DCAF1: variants seen among roughly 807,000 people sequenced by gnomAD.
DCAF1 encodes DDB1 and CUL4 associated factor 1, also known as DDB1- and CUL4-associated factor 1.
DCAF1 carries 15 observed loss-of-function variants against 128.0 expected under a neutral mutation model. The ratio of observed to expected loss-of-function variants is 0.12; its 90% confidence interval spans 0.08 to 0.18. DCAF1 has a LOEUF of 0.18. DCAF1 is among the 10% of genes least tolerant of loss of function. The pLI is 1.00. For synonymous variants in DCAF1, 610 were observed against 603.0 expected (o/e 1.01, Z -0.17); for missense variants, 988 against 1,649.5 (o/e 0.60, Z 6.95).
At chr3:51,503,225 G>A (rs1708861147), upstream of DCAF1, among the ~76,000 whole-genome samples, 1 of 152,110 alleles carries the variant, frequency 6.6e-6, no homozygotes, top group African/African-American at 2.4e-5. Context: ...CTGCCCAGCA[G>A]CAGAGAAAAG....
rs997541702 is a variant in DCAF1, at chr3:51,433,748, C to A, written c.1129-484G>T. 5.4e-5 allele frequency among the ~76,000 whole-genome samples: 8 copies of A among 148,118 alleles called. No homozygotes were observed. The East Asian group carries it at 1.5e-3, about 29-fold the overall frequency. On this transcript the variant is annotated intron_variant, in intron 9 of 24. Coordinates refer to ENST00000684031, the MANE Select transcript of DCAF1 (RefSeq NM_001387579.1). The stretch of plus-strand genomic sequence containing the variant: ...AAAGTGCTGGGATTACAGGCGTGAG[C>A]CACCATGCCCAGCCTGATTTTTTTA...
intron 3 of DCAF1, among the ~76,000 whole-genome samples, chr3:51,474,190 G>A (rs1553649577): frequency 2.6e-5 from 4 of 151,994 alleles, no homozygotes; most frequent in South Asian, 2.1e-4. Context: ...AGGCTGAGGC[G>A]GGCGGATCAC....
At chr3:51,500,808 CTG>C (rs1401028599), upstream of DCAF1, among the ~76,000 whole-genome samples, 7 of 146,592 alleles carry the variant, frequency 4.8e-5, no homozygotes, top group Admixed American at 4.9e-4. Context: ...TCTTTTTTCT[CTG>C]TCTTTTTTTT....
chr3:51,427,500 T>G lies in DCAF1; in HGVS notation c.1719A>C (p.Glu573Asp). 1 of 773,324 alleles carries G rather than the reference T, an allele frequency of 1.3e-6. No individual in the cohort carries two copies. Among genetic ancestry groups the G allele is most frequent in the South Asian group, 1.4e-5 (1 of 73,382 alleles). The allele number at this position is 773,324 out of a possible 1,614,324, so 47.9% of individuals were successfully genotyped here. ...GCGCTGGGCCATATTCTATCAAAAA[T>G]TCCATCATTTCCACAATCTGTTCAT... Reference protein sequence around the residue: ...YTHEQIVEMMEFLIEYGPAQL... With the variant: ...YTHEQIVEMMDFLIEYGPAQL... Residue 573 changes from glutamate (E) to aspartate (D), a missense_variant, in exon 13 of 25, where the codon GAA becomes GAC. Coordinates refer to ENST00000684031, the MANE Select transcript of DCAF1 (RefSeq NM_001387579.1).
chr3:51,487,061 G>A (rs777286947), intron 2 of DCAF1, among the ~76,000 whole-genome samples: 20 of 151,520 alleles, frequency 1.3e-4, no homozygotes, highest in East Asian at 3.9e-4. Context: ...TCCACATCCC[G>A]GATTCAAGCG....
At chr3:51,425,559 C>CTTTTTT (rs782117372) in intron 13 of DCAF1, among the ~76,000 whole-genome samples, 14 of 96,836 alleles carry the variant, frequency 1.4e-4, no homozygotes, top group East Asian at 3.4e-4. Context: ...AAGCTGTCAT[C>CTTTTTT]TTTTTTTTTT....
At chr3:51,404,340 A>C (rs2089955225) in intron 23 of DCAF1, among the ~76,000 whole-genome samples, 1 of 152,260 alleles carries the variant, frequency 6.6e-6, no homozygotes, top group African/African-American at 2.4e-5. Context: ...AAATTCATTT[A>C]ATACATCAAC....
chr3:51,417,773 AGAGAG>A (rs1282775272), intron 17 of DCAF1, among the ~76,000 whole-genome samples: 1 of 136,726 alleles, frequency 7.3e-6, no homozygotes, highest in Non-Finnish European at 1.6e-5. Context: ...GGAGAGGAGA[AGAGAG>A]GAGAGAGAAA....
intron 2 of DCAF1, among the ~76,000 whole-genome samples, chr3:51,490,031 A>G (rs1323146765): frequency 7.9e-5 from 12 of 152,200 alleles, no homozygotes; most frequent in African/African-American, 2.9e-4. Flanking sequence ...GCTATACACT[A>G]GCCAAAAAAC....
rs1553638759 is a variant in DCAF1 at position 51,441,644 on chromosome 3, G to A, written c.767C>T (p.Thr256Ile). The change falls in exon 8 of 25, where the codon ACA (threonine) becomes ATA (isoleucine). Residue 256 changes from threonine to isoleucine, a missense_variant. Thr to Ile is a moderately conservative substitution (Grantham distance 89). This residue lies in a region of DCAF1 where 210 missense variants were observed against 260.2 expected (regional missense o/e 0.81). Transcript: ENST00000684031. The part of the protein sequence containing the change: ...GHKTSSRVNS[T>I]TKPEDGGLKK... ...TAATCCTCCATCCTCAGGTTTGGTT[G>A]TTGAGTTCACTCTGCTACTAGTCTT... 1.2e-6 allele frequency: 2 copies of A among 1,613,974 alleles called. No homozygotes were observed. The highest frequency in any genetic ancestry group is 1.7e-6 in the Non-Finnish European group (2 of 1,179,880).
At chr3:51,503,460 G>A (rs1356853765), upstream of DCAF1, among the ~76,000 whole-genome samples, 2 of 152,074 alleles carry the variant, frequency 1.3e-5, no homozygotes, top group Non-Finnish European at 2.9e-5. Flanking sequence ...GCTCCCACAA[G>A]CCCATCCTCA....
intron 5 of DCAF1, among the ~76,000 whole-genome samples, chr3:51,463,806 A>T (rs956077078): frequency 6.6e-5 from 10 of 152,020 alleles, no homozygotes; most frequent in African/African-American, 2.4e-4. Context: ...CAACAACAGA[A>T]CAAAAACAAA....
At chr3:51,456,597 G>A (rs769047737) in intron 6 of DCAF1, among the ~76,000 whole-genome samples, 2 of 152,212 alleles carry the variant, frequency 1.3e-5, no homozygotes, top group Non-Finnish European at 2.9e-5. Context: ...TGAGATCTGA[G>A]AACAGGCGGA....
chr3:51,417,957 A>G (rs1699048212), intron 17 of DCAF1, among the ~76,000 whole-genome samples, 159 bp downstream of exon 17: 1 of 152,178 alleles, frequency 6.6e-6, no homozygotes, highest in South Asian at 2.1e-4. Context: ...AAGAAAGATA[A>G]AGTCTTATTA....
At chr3:51,480,080 G>A (rs1257743158) in intron 3 of DCAF1, among the ~76,000 whole-genome samples, 2 of 149,326 alleles carry the variant, frequency 1.3e-5, no homozygotes, top group Admixed American at 1.3e-4. Flanking sequence ...CTCTATCCTG[G>A]GTAACACAGT....
At chr3:51,442,880 T>C (rs1229972182) in intron 7 of DCAF1, among the ~76,000 whole-genome samples, 4 of 152,070 alleles carry the variant, frequency 2.6e-5, no homozygotes, top group South Asian at 2.1e-4. Context: ...AAATGAACGA[T>C]AGGGACACAC....
intron 6 of DCAF1, among the ~76,000 whole-genome samples, chr3:51,450,668 G>C (rs1340880438): frequency 6.6e-6 from 1 of 152,160 alleles, no homozygotes; most frequent in Non-Finnish European, 1.5e-5. Flanking sequence ...TTTTTTGAGA[G>C]ACAAGGTCTC....
intron 3 of DCAF1, among the ~76,000 whole-genome samples, chr3:51,471,491 CATTCTT>C (rs1704741579): frequency 6.6e-6 from 1 of 151,964 alleles, no homozygotes; most frequent in African/African-American, 2.4e-5. Flanking sequence ...CCCCCAAACT[CATTCTT>C]ATATAAACTT....
At chr3:51,419,608 T>C (rs1699215301) in intron 15 of DCAF1, 126 bp downstream of exon 15, 6 of 1,447,802 alleles carry the variant, frequency 4.1e-6, no homozygotes, top group South Asian at 3.0e-5. Flanking sequence ...TACAATTACA[T>C]TGTTCAAGTA....
Sources: gnomAD v4.1 joint callset for allele counts (sites outside exome capture counted in the v4.1 genomes callset) on GRCh38, gnomAD v4.1.1 for gene constraint, gnomAD v4.1.1 regional missense constraint, MANE v1.5 for transcripts, NCBI Gene and HGNC (gene_info 2026-07-23, HGNC 2026-07-21) for gene names.